The following LIN54 variants were observed in gnomAD, a reference collection of about 807,000 sequenced individuals.
The protein encoded by LIN54 is protein lin-54 homolog.
In LIN54, 9 loss-of-function variants were observed where a neutral mutation model predicts 78.7. The observed-to-expected ratio is 0.11, with a 90% CI of 0.07 to 0.20. The LOEUF (loss-of-function observed/expected upper bound fraction) is 0.20, where lower values mean the gene tolerates loss of function less well. Ranked by LOEUF, LIN54 falls within the 10% of genes least tolerant of loss-of-function variation. The pLI, the probability that LIN54 is intolerant of heterozygous loss-of-function variation, is 1.00. For synonymous variants in LIN54, 269 were observed against 318.4 expected (o/e 0.84, Z 1.65); for missense variants, 573 against 889.9 (o/e 0.64, Z 4.53).
chr4:82,939,447 T>G, intron 7 of LIN54, 92 bp downstream of exon 7: 1 of 1,049,450 alleles, frequency 9.5e-7, no homozygotes. Context: ...AATACTGAGT[T>G]AGATGTGTTT....
chr4:82,999,012 C>T (rs1291553914), intron 1 of LIN54, among the ~76,000 whole-genome samples: 2 of 152,130 alleles, frequency 1.3e-5, no homozygotes, highest in Admixed American at 6.5e-5. Context: ...AACTGTAGTA[C>T]ATACTATACT....
rs961804035 is a variant in LIN54, at chr4:83,001,424, C to T, written c.-33+9060G>A. 4.6e-5 allele frequency among the ~76,000 whole-genome samples: 7 copies of T among 151,988 alleles called. No individual in the cohort carries two copies. In the South Asian group the frequency reaches 6.2e-4, roughly 14 times the overall value. ...AGTTAGCCAGGTGTGGTGGTGTGCA[C>T]CTGTAGTCCCAGCTACTCAGGAGGC... On this transcript the variant is annotated intron_variant, in intron 1 of 12. Transcript: ENST00000340417.
chr4:82,983,038 G>T (rs768175272), intron 2 of LIN54, among the ~76,000 whole-genome samples: 1 of 136,796 alleles, frequency 7.3e-6, no homozygotes, highest in Admixed American at 7.9e-5. Context: ...ATGGAGTTTC[G>T]CTCTTGTCAC....
chr4:83,000,150 C>T (rs1393868740), intron 1 of LIN54, among the ~76,000 whole-genome samples: 1 of 152,090 alleles, frequency 6.6e-6, no homozygotes, highest in East Asian at 1.9e-4. Flanking sequence ...TGCCTCAGCT[C>T]TCCAAAGTGC....
At chr4:82,964,137 A>C (rs1578558400) in intron 4 of LIN54, among the ~76,000 whole-genome samples, 1 of 150,444 alleles carries the variant, frequency 6.6e-6, no homozygotes, top group South Asian at 2.1e-4. Flanking sequence ...TGCAACCTCC[A>C]CCTCCCAGAT....
rs1726398496 is a variant in LIN54, at chr4:82,979,001, A to G, written c.690T>C (p.Ala230=). ...QTQQLKTVQI[A]KKPRTPTSGP... is the part of the protein sequence containing the mutation. ...CAGAGGTTGGCGTTCGAGGCTTCTT[A>G]GCAATCTGAAACATATAAATAACTA... is the stretch of plus-strand genomic sequence containing the variant. The change falls in exon 3 of 13, where the codon GCT becomes GCC. Residue 230 remains alanine, a synonymous_variant. Coordinates refer to ENST00000340417, the MANE Select transcript of LIN54 (RefSeq NM_194282.4). The G allele has an allele frequency of 1.9e-6, 3 of 1,585,244 alleles. No homozygotes were observed. The highest frequency in any genetic ancestry group is 2.6e-6 in the Non-Finnish European group (3 of 1,160,042).
chr4:82,990,009 TATTC>T (rs1727523926), intron 1 of LIN54, among the ~76,000 whole-genome samples: 1 of 152,148 alleles, frequency 6.6e-6, no homozygotes. Context: ...GCCTCTAAAT[TATTC>T]ATTAACAGGT....
At chr4:82,973,494 AAATT>A (rs914265490) in intron 3 of LIN54, among the ~76,000 whole-genome samples, 83 of 152,312 alleles carry the variant, frequency 5.4e-4, no homozygotes, top group African/African-American at 1.9e-3. Flanking sequence ...TTTGACCTTG[AAATT>A]AATTTCTGTT....
chr4:83,003,400 A>C (rs1729031500), intron 1 of LIN54: 1 of 152,240 alleles, frequency 6.6e-6, no homozygotes, highest in Non-Finnish European at 1.5e-5. Context: ...AACTGGGAGC[A>C]GTAGACTATA....
intron 1 of LIN54, among the ~76,000 whole-genome samples, chr4:82,985,152 C>T (rs1727015923): frequency 6.6e-6 from 1 of 152,218 alleles, no homozygotes; most frequent in Non-Finnish European, 1.5e-5. Flanking sequence ...CACTAAGTCA[C>T]ATAATCACAT....
At chr4:82,945,919 G>A (rs1210864902) in intron 5 of LIN54, among the ~76,000 whole-genome samples, 2 of 152,114 alleles carry the variant, frequency 1.3e-5, no homozygotes, top group Non-Finnish European at 2.9e-5. Flanking sequence ...CTATCAAGGG[G>A]CTTTATAGTT....
chr4:82,989,541 C>T (rs553839934), intron 1 of LIN54, among the ~76,000 whole-genome samples: 1 of 152,282 alleles, frequency 6.6e-6, no homozygotes, highest in South Asian at 2.1e-4. Context: ...GATTTAGTTC[C>T]TATATCCAAC....
intron 4 of LIN54, among the ~76,000 whole-genome samples, chr4:82,965,899 A>G (rs1246704245): frequency 6.6e-6 from 1 of 152,222 alleles, no homozygotes; most frequent in Non-Finnish European, 1.5e-5. Context: ...CTATCAATAG[A>G]AACAAGGAGA....
chr4:82,928,150 G>T lies in LIN54; in HGVS notation c.2202C>A (p.Ile734=). Residue 734 remains isoleucine, a synonymous_variant, in exon 13 of 13, where the codon ATC becomes ATA. Transcript: ENST00000340417. ...CACTTTTTGCCTTTCCTGCAGAGTT[G>T]ATGACACTCATCAAACATCGTCCGA... ...EEFGRCLMSV[I]NSAGKAKSDP... The T allele has an allele frequency of 6.2e-7, 1 of 1,614,248 alleles. No homozygotes were observed. Among genetic ancestry groups the T allele is most frequent in the Non-Finnish European group, 8.5e-7 (1 of 1,180,040 alleles).
chr4:82,932,180 C>T (rs1263208567), intron 11 of LIN54, among the ~76,000 whole-genome samples: 2 of 150,178 alleles, frequency 1.3e-5, no homozygotes, highest in East Asian at 2.0e-4. Flanking sequence ...CTGCAAGCTC[C>T]GCCTCCCAGG....
intron 4 of LIN54, among the ~76,000 whole-genome samples, chr4:82,947,233 A>ATTTTTTTTTTTTTTTTTTT (rs1233101387): frequency 1.8e-4 from 3 of 16,860 alleles, no homozygotes; most frequent in African/African-American, 4.4e-4. Flanking sequence ...ATATATATAT[A>ATTTTTTTTTTTTTTTTTTT]TATTTTTTTT....
intron 8 of LIN54, among the ~76,000 whole-genome samples, chr4:82,937,612 C>T (rs1471213085): frequency 6.6e-6 from 1 of 152,186 alleles, no homozygotes; most frequent in Non-Finnish European, 1.5e-5. Flanking sequence ...GAACACTCCA[C>T]AAACACTGTC....
intron 7 of LIN54, 137 bp from the exon 8 acceptor site, chr4:82,938,641 C>A: frequency 3.3e-6 from 2 of 602,038 alleles, no homozygotes; most frequent in Non-Finnish European, 5.9e-6. Flanking sequence ...CAAACACATA[C>A]TTCACAGAGC....
At chr4:82,971,285 T>C (rs1374777942) in intron 3 of LIN54, among the ~76,000 whole-genome samples, 2 of 152,204 alleles carry the variant, frequency 1.3e-5, no homozygotes, top group Non-Finnish European at 2.9e-5. Flanking sequence ...CCACCCCATC[T>C]TGTAGTTAAG....
Sources: allele counts gnomAD v4.1 joint callset (sites outside exome capture counted in the v4.1 genomes callset), GRCh38; gene constraint gnomAD v4.1.1; transcripts MANE v1.5; gene names NCBI Gene and HGNC (gene_info 2026-07-23, HGNC 2026-07-21).